CACNA2D3: variants seen among roughly 807,000 people sequenced by gnomAD.
CACNA2D3 encodes the protein voltage-dependent calcium channel subunit alpha-2/delta-3.
In CACNA2D3, 60 loss-of-function variants were observed where a neutral mutation model predicts 160.6. That is an observed-to-expected ratio of 0.37 (90% CI 0.30 to 0.46). The LOEUF is 0.46. Ranked by LOEUF, CACNA2D3 falls within the 20% of genes least tolerant of loss-of-function variation. The probability of loss-of-function intolerance (pLI) is 1.00; values close to 1 mark genes in which losing one functional copy is unlikely to be tolerated. For synonymous variants in CACNA2D3, 558 were observed against 492.9 expected (o/e 1.13, Z -1.75); for missense variants, 1,205 against 1,365.0 (o/e 0.88, Z 1.85).
intron 27 of CACNA2D3, among the ~76,000 whole-genome samples, chr3:54,962,978 A>G (rs1329086897): frequency 6.6e-6 from 1 of 152,180 alleles, no homozygotes; most frequent in Non-Finnish European, 1.5e-5. Context: ...CTAATTTTAT[A>G]TTTTGTGAGT....
chr3:54,474,387 G>T (rs915285727), intron 4 of CACNA2D3, among the ~76,000 whole-genome samples: 1 of 151,934 alleles, frequency 6.6e-6, no homozygotes, highest in African/African-American at 2.4e-5. Context: ...ATCACATACC[G>T]GGGCCTGTCA....
chr3:54,746,399 C>G (rs1381216217), intron 11 of CACNA2D3, among the ~76,000 whole-genome samples: 1 of 152,086 alleles, frequency 6.6e-6, no homozygotes, highest in Non-Finnish European at 1.5e-5. Context: ...TCAGGAGACC[C>G]CTTTCTAAAG....
chr3:54,235,768 G>T (rs1288201838), intron 2 of CACNA2D3, among the ~76,000 whole-genome samples: 1 of 152,164 alleles, frequency 6.6e-6, no homozygotes, highest in African/African-American at 2.4e-5. Context: ...TAAATAGGGG[G>T]GCAGCAGACA....
intron 2 of CACNA2D3, among the ~76,000 whole-genome samples, chr3:54,154,205 A>G (rs1297644977): frequency 2.6e-5 from 4 of 152,174 alleles, no homozygotes; most frequent in Admixed American, 6.5e-5. Flanking sequence ...AGGTTTTACT[A>G]TGTATCAAGT....
intron 17 of CACNA2D3, among the ~76,000 whole-genome samples, chr3:54,855,414 C>T (rs1040683376): frequency 1.3e-5 from 2 of 152,178 alleles, no homozygotes; most frequent in Non-Finnish European, 2.9e-5. Context: ...CAGGCCTTTC[C>T]AAGAGCCTCT....
chr3:54,539,639 G>A (rs1210797381), intron 5 of CACNA2D3, among the ~76,000 whole-genome samples: 1 of 152,234 alleles, frequency 6.6e-6, no homozygotes, highest in African/African-American at 2.4e-5. Context: ...GCTCACAGAA[G>A]TGAAGGGTGA....
intron 11 of CACNA2D3, among the ~76,000 whole-genome samples, chr3:54,722,542 TG>T (rs1329768538): frequency 6.6e-6 from 1 of 152,202 alleles, no homozygotes; most frequent in African/African-American, 2.4e-5. Context: ...CCCATCTTTG[TG>T]GAGTTATCTA....
intron 2 of CACNA2D3, among the ~76,000 whole-genome samples, chr3:54,287,758 C>A (rs1258109270): frequency 6.7e-6 from 1 of 148,426 alleles, no homozygotes; most frequent in South Asian, 2.2e-4. Context: ...AACTAGAACT[C>A]AGGATTAAGA....
chr3:55,071,727 GGATTT>G (rs1704815360), intron 35 of CACNA2D3, among the ~76,000 whole-genome samples: 1 of 152,106 alleles, frequency 6.6e-6, no homozygotes, highest in South Asian at 2.1e-4. Context: ...GAAAAGAATT[GGATTT>G]GTTTTTTCAG....
chr3:54,889,143 A>G (rs900252005), intron 24 of CACNA2D3, among the ~76,000 whole-genome samples: 2 of 152,224 alleles, frequency 1.3e-5, no homozygotes, highest in Admixed American at 1.3e-4. Flanking sequence ...TATAGAGGAT[A>G]GCCTGGAAGA....
intron 35 of CACNA2D3, among the ~76,000 whole-genome samples, chr3:55,032,046 T>C (rs1703700008): frequency 1.3e-5 from 2 of 152,218 alleles, no homozygotes; most frequent in South Asian, 4.1e-4. Flanking sequence ...GTTTATCGAA[T>C]GCCTACTTTT....
chr3:54,299,160 TG>T (rs1703413544), intron 2 of CACNA2D3, among the ~76,000 whole-genome samples: 1 of 151,508 alleles, frequency 6.6e-6, no homozygotes, highest in South Asian at 2.1e-4. Context: ...TGGTTTGTAG[TG>T]GGAGTCATGA....
At chr3:54,761,016 G>A (rs184310145) in intron 12 of CACNA2D3, among the ~76,000 whole-genome samples, 1 of 152,226 alleles carries the variant, frequency 6.6e-6, no homozygotes, top group East Asian at 1.9e-4. Flanking sequence ...AAGGACAAGT[G>A]GGGATGATTT....
chr3:54,169,694 CAT>C (rs1250320779), intron 2 of CACNA2D3, among the ~76,000 whole-genome samples: 5 of 129,242 alleles, frequency 3.9e-5, no homozygotes, highest in African/African-American at 7.7e-5. Flanking sequence ...TATGTGTGTG[CAT>C]GTGTGTGTGC....
chr3:54,449,223 G>A (rs957823828), intron 4 of CACNA2D3, among the ~76,000 whole-genome samples: 5 of 152,196 alleles, frequency 3.3e-5, no homozygotes, highest in Non-Finnish European at 7.3e-5. Context: ...CCACAAGAGA[G>A]AGAGCGCTCT....
chr3:54,282,052 T>G (rs1702894067), intron 2 of CACNA2D3, among the ~76,000 whole-genome samples: 1 of 152,192 alleles, frequency 6.6e-6, no homozygotes, highest in East Asian at 1.9e-4. Context: ...GACAACAAAG[T>G]GTATACTGAC....
At chr3:54,906,223 A>C (rs1453926561) in intron 27 of CACNA2D3, among the ~76,000 whole-genome samples, 2 of 152,104 alleles carry the variant, frequency 1.3e-5, no homozygotes, top group Admixed American at 6.5e-5. Context: ...GAAGGGAAGA[A>C]GTGAAAGGGA....
At chr3:54,346,190 C>T (rs1189255291) in intron 3 of CACNA2D3, among the ~76,000 whole-genome samples, 1 of 152,154 alleles carries the variant, frequency 6.6e-6, no homozygotes, top group Non-Finnish European at 1.5e-5. Context: ...CCCGAGATGA[C>T]CGTAAAACAT....
chr3:55,021,064 A>G (rs358033), intron 35 of CACNA2D3, among the ~76,000 whole-genome samples: 66,450 of 151,922 alleles, frequency 0.44, 16,168 homozygotes, highest in African/African-American at 0.67. Flanking sequence ...ATAAGATGGA[A>G]TCCAGTATCT....
Sources: gnomAD v4.1 joint callset for allele counts (sites outside exome capture counted in the v4.1 genomes callset) on GRCh38, gnomAD v4.1.1 for gene constraint, MANE v1.5 for transcripts, NCBI Gene and HGNC (gene_info 2026-07-23, HGNC 2026-07-21) for gene names.